The following STIMATE variants were observed in gnomAD, a reference collection of about 807,000 sequenced individuals.
STIMATE encodes STIM activating enhancer, also known as store-operated calcium entry regulator STIMATE.
In STIMATE, 15 loss-of-function variants were observed where a neutral mutation model predicts 36.7. The observed-to-expected ratio is 0.41, with a 90% CI of 0.27 to 0.63. The LOEUF is 0.63. Among genes scored for constraint, STIMATE ranks in the 20% least tolerant of loss-of-function variants. The pLI is 0.32. For synonymous variants in STIMATE, 163 were observed against 162.3 expected, an observed-to-expected ratio of 1.00 and a Z score of -0.03; for missense variants, 305 against 397.3, an observed-to-expected ratio of 0.77 and a Z score of 1.98.
intron 2 of STIMATE, among the ~76,000 whole-genome samples, 192 bp from the exon 3 acceptor site, chr3:52,852,890 C>T (rs543254212): frequency 1.3e-5 from 2 of 152,188 alleles, no homozygotes; most frequent in African/African-American, 2.4e-5. Context: ...ATAACACTGC[C>T]TTTGAAAACC....
chr3:52,859,999 C>T (rs183721745), intron 1 of STIMATE, among the ~76,000 whole-genome samples: 1 of 150,464 alleles, frequency 6.6e-6, no homozygotes, highest in African/African-American at 2.4e-5. Context: ...GGCTGTGGGG[C>T]TCCTGCCTCC....
chr3:52,879,897 C>T (rs1319041578), intron 1 of STIMATE, among the ~76,000 whole-genome samples: 1 of 152,168 alleles, frequency 6.6e-6, no homozygotes, highest in African/African-American at 2.4e-5. Context: ...GGCTCTGAAC[C>T]CTAGCTACAT....
At chr3:52,852,931 C>A (rs963178627) in intron 2 of STIMATE, among the ~76,000 whole-genome samples, 1 of 152,142 alleles carries the variant, frequency 6.6e-6, no homozygotes, top group Non-Finnish European at 1.5e-5. Flanking sequence ...ATTTAAAATA[C>A]GTTTTAAATT....
intron 4 of STIMATE, chr3:52,847,675 G>GCCC (rs1700930882): frequency 1.5e-6 from 1 of 667,426 alleles, no homozygotes; most frequent in South Asian, 1.5e-5. Context: ...TGGAATAACA[G>GCCC]CCCCACACAG....
At chr3:52,887,625 G>C (rs1373265752) in intron 1 of STIMATE, among the ~76,000 whole-genome samples, 2 of 152,184 alleles carry the variant, frequency 1.3e-5, no homozygotes, top group Non-Finnish European at 2.9e-5. Flanking sequence ...AATGCTTTGA[G>C]ACAGTGCCTC....
intron 1 of STIMATE, among the ~76,000 whole-genome samples, chr3:52,882,590 T>G (rs550833361): frequency 1.3e-5 from 2 of 152,292 alleles, no homozygotes; most frequent in South Asian, 2.1e-4. Context: ...GGCTAACAGC[T>G]CTTCAAGGTA....
chr3:52,873,170 A>G (rs568774819), intron 1 of STIMATE, among the ~76,000 whole-genome samples: 1 of 152,344 alleles, frequency 6.6e-6, no homozygotes, highest in South Asian at 2.1e-4. Flanking sequence ...CTCTGAACAC[A>G]GGCCTCCTTG....
chr3:52,852,454 A>G (rs1701021305), intron 3 of STIMATE, 149 bp downstream of exon 3: 2 of 925,544 alleles, frequency 2.2e-6, no homozygotes, highest in African/African-American at 3.3e-5. Context: ...GACAGCATGT[A>G]CAGGATGGTC....
intron 1 of STIMATE, among the ~76,000 whole-genome samples, chr3:52,860,041 A>T (rs1167006946): frequency 7.4e-6 from 1 of 134,494 alleles, no homozygotes; most frequent in Non-Finnish European, 1.6e-5. Context: ...CTTTCCCTAG[A>T]ACAGTCCAGA....
At position 52,845,026 on chromosome 3, in the gene STIMATE, C is replaced by T. The variant is rs115847358; in HGVS notation, c.428-85G>A. ...CCCCACCCCACTCCCCCACACGCACCCCAGAACACTGGCTCTAAAGCTCTA... is the reference window on the plus strand; with the variant it reads ...CCCCACCCCACTCCCCCACACGCACTCCAGAACACTGGCTCTAAAGCTCTA... On this transcript the variant is annotated intron_variant, in intron 4 of 7. Transcript: ENST00000355083. 6,829 of 1,402,354 alleles carry T rather than the reference C, an allele frequency of 4.9e-3. 282 individuals carry two copies. The African/African-American group carries it at 0.084, about 17-fold the overall frequency. 86.9% of individuals were successfully genotyped at this position (1,402,354 alleles called of 1,614,324 possible).
intron 1 of STIMATE, among the ~76,000 whole-genome samples, chr3:52,893,720 T>A (rs987022184): frequency 2.6e-5 from 4 of 152,212 alleles, no homozygotes; most frequent in African/African-American, 4.8e-5. Flanking sequence ...TTGTAAAACA[T>A]GGACACATTT....
At chr3:52,872,112 C>T (rs1231025814) in intron 1 of STIMATE, among the ~76,000 whole-genome samples, 1 of 152,068 alleles carries the variant, frequency 6.6e-6, no homozygotes, top group East Asian at 1.9e-4. Flanking sequence ...TGTGCTTGTC[C>T]CACCTTGTCC....
At chr3:52,849,038 C>T (rs1200774889) in intron 4 of STIMATE, among the ~76,000 whole-genome samples, 3 of 152,226 alleles carry the variant, frequency 2.0e-5, no homozygotes, top group African/African-American at 7.2e-5. Flanking sequence ...AAGTGAGTGG[C>T]CCTTGAGCCC....
intron 1 of STIMATE, among the ~76,000 whole-genome samples, chr3:52,859,502 CAAAAAAA>C (rs34298807): frequency 5.1e-4 from 8 of 15,634 alleles, no homozygotes; most frequent in African/African-American, 8.3e-4. Flanking sequence ...CCCATTTCTC[CAAAAAAA>C]AAAAAAAAAA....
chr3:52,845,650 G>A (rs1035940269), intron 4 of STIMATE, among the ~76,000 whole-genome samples: 1 of 152,246 alleles, frequency 6.6e-6, no homozygotes, highest in Non-Finnish European at 1.5e-5. Flanking sequence ...CAGTCACCAT[G>A]CTTGAGAAAC....
rs948784808 is a variant in STIMATE at position 52,883,808 on chromosome 3, A to G, written c.160+13483T>C. On this transcript the variant is annotated intron_variant, in intron 1 of 7. Coordinates refer to ENST00000355083, the MANE Select transcript of STIMATE (RefSeq NM_198563.5). ...TTTTCTATTTTCCATTGTGCTTATT[A>G]TTTTTCTTTAAAACTTTAGCATATT... Among the ~76,000 whole-genome samples the G allele has an allele frequency of 1.2e-4, 18 of 151,444 alleles. 2 individuals are homozygous for G. The highest frequency in any genetic ancestry group is 4.4e-4 in the African/African-American group (18 of 41,322).
At chr3:52,849,475 G>A (rs900817216) in intron 4 of STIMATE, among the ~76,000 whole-genome samples, 9 of 152,256 alleles carry the variant, frequency 5.9e-5, no homozygotes. Flanking sequence ...AGAACGAAGA[G>A]TCCCTGCGGG....
In STIMATE at chr3:52,853,223, C is replaced by T. The variant is rs551762334; in HGVS notation, c.210-525G>A. Among the ~76,000 whole-genome samples the T allele has an allele frequency of 3.9e-5, 6 of 152,222 alleles. No homozygotes were observed. The South Asian group carries it at 6.2e-4, about 16-fold the overall frequency. ...GCGCCATATGATCTCTGTCTCAATT[C>T]CTCAGCCCTGCCGCTAGAGAATGAT... On this transcript the variant is annotated intron_variant, in intron 2 of 7. Transcript: ENST00000355083.
chr3:52,897,280 C>T lies in STIMATE; in HGVS notation c.160+11G>A, dbSNP rs1332661438. Reference sequence around the variant, plus strand: ...CAGGGCCTCCGGAGGGTCGGGGGGTCCCAGACTCACGCATTAACGTGCTGA... The same window carrying T: ...CAGGGCCTCCGGAGGGTCGGGGGGTTCCAGACTCACGCATTAACGTGCTGA... On this transcript the variant is annotated intron_variant, in intron 1 of 7. Transcript: ENST00000355083. 6.5e-7 allele frequency: 1 copy of T among 1,542,420 alleles called. No homozygotes were observed. The highest frequency in any genetic ancestry group is 1.9e-5 in the Admixed American group (1 of 52,480).
Sources: allele counts gnomAD v4.1 joint callset (sites outside exome capture counted in the v4.1 genomes callset), GRCh38; gene constraint gnomAD v4.1.1; transcripts MANE v1.5; gene names NCBI Gene and HGNC (gene_info 2026-07-23, HGNC 2026-07-21).